Variants in PRKD1 observed in about 807,000 individuals in gnomAD.
PRKD1 encodes the protein serine/threonine-protein kinase D1.
PRKD1 carries 63 observed loss-of-function variants against 95.9 expected under a neutral mutation model. The observed-to-expected ratio is 0.66, with a 90% confidence interval of 0.54 to 0.81. PRKD1 has a LOEUF of 0.81. Among genes scored for constraint, PRKD1 ranks in the 30% least tolerant of loss-of-function variants. The pLI is 0.00. For synonymous variants in PRKD1, 425 were observed against 423.1 expected (o/e 1.00, Z -0.05); for missense variants, 1,048 against 1,165.3 (o/e 0.90, Z 1.47).
At chr14:29,889,797 G>T (rs8013841) in intron 1 of PRKD1, among the ~76,000 whole-genome samples, 67,599 of 152,032 alleles carry the variant, frequency 0.44, 16,802 homozygotes, top group African/African-American at 0.68. Context: ...AATGATGAGT[G>T]GAAGGGTGCA....
intron 6 of PRKD1, 88 bp from the exon 7 acceptor site, chr14:29,636,582 A>T: frequency 7.6e-7 from 1 of 1,309,442 alleles, no homozygotes; most frequent in Non-Finnish European, 1.1e-6. Flanking sequence ...AAACAAATCA[A>T]TTGGAAGCCC....
intron 1 of PRKD1, among the ~76,000 whole-genome samples, chr14:29,780,554 G>A (rs575306727): frequency 1.3e-5 from 2 of 152,170 alleles, no homozygotes; most frequent in African/African-American, 2.4e-5. Context: ...ATCATCACTG[G>A]CCATCAGAGA....
At chr14:29,775,875 C>A (rs913081491) in intron 1 of PRKD1, among the ~76,000 whole-genome samples, 5 of 152,154 alleles carry the variant, frequency 3.3e-5, no homozygotes, top group African/African-American at 1.2e-4. Context: ...CCCCGAGTAG[C>A]CTAACTGGGA....
chr14:29,651,547 G>A (rs1470819110), intron 4 of PRKD1, among the ~76,000 whole-genome samples: 5 of 151,966 alleles, frequency 3.3e-5, no homozygotes, highest in Non-Finnish European at 7.4e-5. Context: ...ATATTTTAGA[G>A]GCTGAATTTT....
chr14:29,789,107 A>C (rs903298054), intron 1 of PRKD1, among the ~76,000 whole-genome samples: 2 of 152,066 alleles, frequency 1.3e-5, no homozygotes, highest in African/African-American at 4.8e-5. Context: ...ACTGGTCTCT[A>C]ATTCCTGAGC....
At chr14:29,786,306 T>C (rs964508153) in intron 1 of PRKD1, among the ~76,000 whole-genome samples, 8 of 152,204 alleles carry the variant, frequency 5.3e-5, no homozygotes, top group African/African-American at 1.9e-4. Flanking sequence ...ATTTTCTTTT[T>C]TTGTTGTTTC....
At chr14:29,765,191 TAAC>T (rs1566587570) in intron 1 of PRKD1, among the ~76,000 whole-genome samples, 1 of 151,928 alleles carries the variant, frequency 6.6e-6, no homozygotes, top group East Asian at 1.9e-4. Flanking sequence ...ATCCAGAAGA[TAAC>T]AACAAAGGAG....
At chr14:29,594,287 A>T (rs1893224779) in intron 16 of PRKD1, 1 of 313,752 alleles carries the variant, frequency 3.2e-6, no homozygotes, top group Middle Eastern at 9.0e-4. Flanking sequence ...GGAAAAAAAA[A>T]TACATTACAA....
chr14:29,766,217 A>G (rs1350051905), intron 1 of PRKD1, among the ~76,000 whole-genome samples: 3 of 152,078 alleles, frequency 2.0e-5, no homozygotes, highest in South Asian at 4.2e-4. Context: ...AGTACACAAT[A>G]TCATATTGGT....
At chr14:29,853,443 C>G (rs907431258) in intron 1 of PRKD1, among the ~76,000 whole-genome samples, 6 of 152,188 alleles carry the variant, frequency 3.9e-5, no homozygotes, top group African/African-American at 1.4e-4. Context: ...CATTTCTAGA[C>G]AGTGGCAGAG....
At chr14:29,873,152 C>T (rs1036609542) in intron 1 of PRKD1, among the ~76,000 whole-genome samples, 5 of 152,178 alleles carry the variant, frequency 3.3e-5, no homozygotes, top group Admixed American at 6.5e-5. Flanking sequence ...ATGGCAAGAT[C>T]GCAGCTCACT....
At chr14:29,799,518 A>C (rs1024572339) in intron 1 of PRKD1, among the ~76,000 whole-genome samples, 2 of 152,252 alleles carry the variant, frequency 1.3e-5, no homozygotes, top group African/African-American at 4.8e-5. Flanking sequence ...CTGCAATAGC[A>C]AGGATTAAAA....
intron 1 of PRKD1, among the ~76,000 whole-genome samples, chr14:29,762,205 A>C (rs763414510): frequency 3.3e-5 from 5 of 152,138 alleles, no homozygotes; most frequent in Non-Finnish European, 7.3e-5. Context: ...TAATCAGGAC[A>C]CTATGTGTGT....
At chr14:29,776,028 C>A (rs946551789) in intron 1 of PRKD1, among the ~76,000 whole-genome samples, 1 of 152,162 alleles carries the variant, frequency 6.6e-6, no homozygotes, top group Admixed American at 6.5e-5. Context: ...GGTACCCAGG[C>A]AAACGGGGTC....
chr14:29,621,641 G>T (rs1879274271), intron 13 of PRKD1, among the ~76,000 whole-genome samples: 1 of 152,134 alleles, frequency 6.6e-6, no homozygotes, highest in Non-Finnish European at 1.5e-5. Context: ...ACATAAATAT[G>T]TTGCAAATAT....
At chr14:29,612,972 C>T (rs2139053948) in intron 13 of PRKD1, among the ~76,000 whole-genome samples, 1 of 152,166 alleles carries the variant, frequency 6.6e-6, no homozygotes, top group South Asian at 2.1e-4. Flanking sequence ...CTGGTGGGTG[C>T]CTGTAGTCCC....
intron 1 of PRKD1, among the ~76,000 whole-genome samples, chr14:29,775,938 G>A (rs1467364107): frequency 1.3e-5 from 2 of 152,104 alleles, no homozygotes; most frequent in Non-Finnish European, 2.9e-5. Flanking sequence ...GTGCCCCTCT[G>A]AGACGAAGCT....
chr14:29,676,176 C>CTTTTTTTTTT (rs1566532166), intron 2 of PRKD1, among the ~76,000 whole-genome samples: 3 of 62,240 alleles, frequency 4.8e-5, no homozygotes, highest in African/African-American at 2.8e-4. Flanking sequence ...TAGTTCATTA[C>CTTTTTTTTTT]GTTTTTGTTT....
At chr14:29,847,124 A>T (rs927423179) in intron 1 of PRKD1, among the ~76,000 whole-genome samples, 2 of 152,120 alleles carry the variant, frequency 1.3e-5, no homozygotes, top group African/African-American at 4.8e-5. Context: ...TTCTTCCAGG[A>T]TCTTCTCAGG....
Sources: gnomAD v4.1 joint callset for allele counts (sites outside exome capture counted in the v4.1 genomes callset) on GRCh38, gnomAD v4.1.1 for gene constraint, MANE v1.5 for transcripts, NCBI Gene and HGNC (gene_info 2026-07-23, HGNC 2026-07-21) for gene names.